Variants in CLASP1 observed in about 807,000 individuals in gnomAD.
CLASP1 encodes the protein CLIP-associating protein 1.
A neutral mutation model predicts 192.3 loss-of-function variants in CLASP1; 38 were observed. The observed-to-expected ratio is 0.20, with a 90% confidence interval of 0.15 to 0.26. CLASP1 has a LOEUF of 0.26. Among genes scored for constraint, CLASP1 ranks in the 10% least tolerant of loss-of-function variants. The pLI is 1.00. For missense variants in CLASP1, 1,433 were observed against 1,932.5 expected, an observed-to-expected ratio of 0.74 and a Z score of 4.85; for synonymous variants, 691 against 712.8, an observed-to-expected ratio of 0.97 and a Z score of 0.49.
At chr2:121,629,437 T>C (rs924923995) in intron 1 of CLASP1, among the ~76,000 whole-genome samples, 5 of 151,890 alleles carry the variant, frequency 3.3e-5, no homozygotes, top group Non-Finnish European at 7.4e-5. Context: ...TCTGTTCTTA[T>C]TGGACTTTAA....
At chr2:121,574,086 C>A (rs1314044196) in intron 2 of CLASP1, among the ~76,000 whole-genome samples, 1 of 152,168 alleles carries the variant, frequency 6.6e-6, no homozygotes, top group Non-Finnish European at 1.5e-5. Flanking sequence ...TTAAAAATCA[C>A]TGATGGCCCG....
At chr2:121,418,644 A>G (rs2149555330) in exon 23 of CLASP1, 2 of 1,613,578 alleles carry the variant, frequency 1.2e-6, no homozygotes, top group African/African-American at 2.7e-5. Flanking sequence ...AGCCCCGAGC[A>G]GGGCTTGTAT....
At chr2:121,390,869 A>G (rs1311852503) in intron 30 of CLASP1, among the ~76,000 whole-genome samples, 1 of 152,050 alleles carries the variant, frequency 6.6e-6, no homozygotes, top group African/African-American at 2.4e-5. Context: ...AGGCTGGAGT[A>G]CAGTGGCTAT....
chr2:121,611,326 G>A (rs1476682531), intron 1 of CLASP1, among the ~76,000 whole-genome samples: 1 of 136,574 alleles, frequency 7.3e-6, no homozygotes, highest in Non-Finnish European at 1.6e-5. Flanking sequence ...ACTGGAGGAG[G>A]AAGAGGAGTT....
exon 4 of CLASP1, chr2:121,528,749 A>G (rs777540107): frequency 3.1e-6 from 5 of 1,614,016 alleles, no homozygotes; most frequent in Non-Finnish European, 3.4e-6. Context: ...AGTCTTTAGC[A>G]TCTCCTAGTC....
At chr2:121,473,193 T>C (rs2091061248) in intron 8 of CLASP1, among the ~76,000 whole-genome samples, 1 of 152,114 alleles carries the variant, frequency 6.6e-6, no homozygotes. Context: ...AATAAGAACA[T>C]TAAACTTCTA....
intron 22 of CLASP1, 146 bp downstream of exon 22, chr2:121,424,992 TA>T (rs1237770944): frequency 1.5e-5 from 11 of 719,088 alleles, no homozygotes; most frequent in Non-Finnish European, 2.0e-5. Context: ...CAATATGCCA[TA>T]ATCTGTATAA....
intron 1 of CLASP1, among the ~76,000 whole-genome samples, chr2:121,626,106 A>G (rs1359236170): frequency 1.3e-5 from 2 of 152,004 alleles, no homozygotes; most frequent in African/African-American, 4.8e-5. Flanking sequence ...CTCAAAAAAA[A>G]AAAAAAGAGA....
intron 1 of CLASP1, among the ~76,000 whole-genome samples, chr2:121,637,391 C>A (rs1470078642): frequency 1.3e-5 from 2 of 151,856 alleles, no homozygotes; most frequent in Admixed American, 1.3e-4. Flanking sequence ...GGTACTAGGA[C>A]AACTGGCTAT....
At chr2:121,383,455 C>T (rs1173058834) in intron 32 of CLASP1, among the ~76,000 whole-genome samples, 1 of 152,158 alleles carries the variant, frequency 6.6e-6, no homozygotes, top group African/African-American at 2.4e-5. Flanking sequence ...GCAGGTGACA[C>T]CTCAGGCTGG....
intron 19 of CLASP1, among the ~76,000 whole-genome samples, chr2:121,441,683 G>A (rs889503106): frequency 2.6e-5 from 4 of 152,052 alleles, no homozygotes; most frequent in South Asian, 2.1e-4. Flanking sequence ...GGTCAAGGGT[G>A]CAGTGAGCTG....
Position 121,514,587 on chromosome 2 carries a change from T to A in CLASP1, c.644+1078A>T, listed in dbSNP as rs570408761. 3.3e-5 allele frequency among the ~76,000 whole-genome samples: 5 copies of A among 152,270 alleles called. No individual in the cohort carries two copies. In the East Asian group the frequency reaches 7.7e-4, roughly 23 times the overall value. ...CATGAAAAGTAGTTTTATTCCCATC[T>A]AATCATCCTGTGCACAGATGGTGAG... On this transcript the variant is annotated intron_variant, in intron 7 of 39. Coordinates refer to ENST00000263710, the Ensembl canonical transcript of CLASP1.
intron 21 of CLASP1, among the ~76,000 whole-genome samples, chr2:121,425,944 G>A (rs1267013187): frequency 1.3e-5 from 2 of 152,270 alleles, no homozygotes; most frequent in Non-Finnish European, 2.9e-5. Context: ...AGGAGTTTGA[G>A]ACTAGTGTGG....
chr2:121,605,994 G>A, exon 2 of CLASP1: 1 of 1,009,904 alleles, frequency 9.9e-7, no homozygotes, highest in South Asian at 1.6e-5. Flanking sequence ...GTTCGCTGAA[G>A]GTTACTAAGA....
chr2:121,359,352 A>C (rs2065938764), intron 37 of CLASP1, among the ~76,000 whole-genome samples: 1 of 152,262 alleles, frequency 6.6e-6, no homozygotes, highest in Admixed American at 6.5e-5. Context: ...GCTGGACAAC[A>C]GCAGACGCAG....
At chr2:121,530,838 G>A (rs958329832) in intron 2 of CLASP1, 19 of 666,748 alleles carry the variant, frequency 2.8e-5, no homozygotes, top group Non-Finnish European at 4.4e-5. Flanking sequence ...ACCCTACCAG[G>A]TATTGGCGCT....
intron 19 of CLASP1, among the ~76,000 whole-genome samples, chr2:121,437,939 T>C (rs1195461591): frequency 6.6e-6 from 1 of 152,238 alleles, no homozygotes; most frequent in Non-Finnish European, 1.5e-5. Flanking sequence ...GGAGGATTAT[T>C]CTGGCTACTA....
rs543891782 is a variant in CLASP1 at position 121,530,894 on chromosome 2, T to G, written c.196-569A>C. On this transcript the variant is annotated intron_variant, in intron 2 of 39. Coordinates refer to ENST00000263710, the Ensembl canonical transcript of CLASP1. ...CTTTCTATTATAACCATCCTTTTCTTGGGGTTGCGCTACTGTCCAATGAGC... is the reference window on the plus strand; with the variant it reads ...CTTTCTATTATAACCATCCTTTTCTGGGGGTTGCGCTACTGTCCAATGAGC... The G allele has an allele frequency of 8.5e-5, 59 of 694,024 alleles. No individual in the cohort carries two copies. The highest frequency in any genetic ancestry group is 2.4e-4 in the Admixed American group (12 of 49,708). 43.0% of individuals were successfully genotyped at this position (694,024 alleles called of 1,614,324 possible).
intron 2 of CLASP1, among the ~76,000 whole-genome samples, chr2:121,547,145 A>T (rs367977899): frequency 6.6e-6 from 1 of 152,156 alleles, no homozygotes; most frequent in African/African-American, 2.4e-5. Flanking sequence ...CCATTCCCAC[A>T]TCTCCTCATC....
Sources: allele counts gnomAD v4.1 joint callset (sites outside exome capture counted in the v4.1 genomes callset), GRCh38; gene constraint gnomAD v4.1.1; transcripts MANE v1.5; gene names NCBI Gene and HGNC (gene_info 2026-07-23, HGNC 2026-07-21).